The following ST8SIA6 variants were observed in gnomAD, a reference collection of about 807,000 sequenced individuals.
ST8SIA6 encodes the protein ST8 alpha-N-acetyl-neuraminide alpha-2,8-sialyltransferase 6.
In ST8SIA6, 39 loss-of-function variants were observed where a neutral mutation model predicts 33.6. The ratio of observed to expected loss-of-function variants is 1.16; its 90% CI spans 0.90 to 1.52. The LOEUF (loss-of-function observed/expected upper bound fraction) is 1.52. Ranked by LOEUF, ST8SIA6 falls within the 40% of genes most tolerant of loss-of-function variation. The pLI, the probability that ST8SIA6 is intolerant of heterozygous loss-of-function variation, is 0.00. For missense variants in ST8SIA6, 441 were observed against 443.8 expected (o/e 0.99, Z 0.06); for synonymous variants, 172 against 167.2 (o/e 1.03, Z -0.22).
chr10:17,401,493 A>G (rs1851039907), intron 2 of ST8SIA6, among the ~76,000 whole-genome samples: 1 of 152,196 alleles, frequency 6.6e-6, no homozygotes, highest in African/African-American at 2.4e-5. Flanking sequence ...AGCCAAAAGA[A>G]CAAAGCTGGA....
chr10:17,450,270 G>C (rs562387775), intron 2 of ST8SIA6, among the ~76,000 whole-genome samples: 1 of 152,262 alleles, frequency 6.6e-6, no homozygotes, highest in East Asian at 1.9e-4. Context: ...AAAAGAAAGA[G>C]CCACAAGCTG....
At chr10:17,448,187 G>C (rs747522683) in intron 2 of ST8SIA6, among the ~76,000 whole-genome samples, 3 of 152,180 alleles carry the variant, frequency 2.0e-5, no homozygotes, top group Non-Finnish European at 4.4e-5. Flanking sequence ...AGGAAAGGGA[G>C]AGAAAGGCCA....
intron 2 of ST8SIA6, among the ~76,000 whole-genome samples, chr10:17,436,247 C>T (rs1401984309): frequency 6.6e-6 from 1 of 152,182 alleles, no homozygotes; most frequent in Non-Finnish European, 1.5e-5. Context: ...ACCCACATCT[C>T]ATCTTTAATT....
intron 2 of ST8SIA6, among the ~76,000 whole-genome samples, chr10:17,400,496 C>T (rs2131677660): frequency 6.6e-6 from 1 of 152,304 alleles, no homozygotes; most frequent in South Asian, 2.1e-4. Flanking sequence ...CACGCGACTG[C>T]ACTCCATCCT....
chr10:17,385,363 A>G (rs111881151), intron 3 of ST8SIA6, among the ~76,000 whole-genome samples: 1 of 152,304 alleles, frequency 6.6e-6, no homozygotes, highest in Admixed American at 6.5e-5. Flanking sequence ...TACTTCTTAC[A>G]TATAATGATT....
intron 2 of ST8SIA6, among the ~76,000 whole-genome samples, chr10:17,431,654 C>T (rs940645712): frequency 6.6e-6 from 1 of 150,832 alleles, no homozygotes; most frequent in African/African-American, 2.4e-5. Flanking sequence ...GTCCTGGGTT[C>T]AAGTCCCAAG....
At chr10:17,441,374 G>A (rs1461301872) in intron 2 of ST8SIA6, among the ~76,000 whole-genome samples, 3 of 151,926 alleles carry the variant, frequency 2.0e-5, no homozygotes, top group South Asian at 2.1e-4. Flanking sequence ...GTGCAATGGC[G>A]CGAGCTCAGC....
rs1198257493 is a variant in ST8SIA6, at chr10:17,321,247, G to C, written c.828C>G (p.Asn276Lys). Residue 276 changes from asparagine (N) to lysine (K), a missense_variant, in exon 8 of 8, where the codon AAC becomes AAG. Coordinates refer to ENST00000377602, the MANE Select transcript of ST8SIA6 (RefSeq NM_001004470.3). The stretch of plus-strand genomic sequence containing the variant: ...AGTATACTTTGAAAGAGGTACCCGT[G>C]TTGGCCCTGAAGGAAAATGCTGGCA... ...FLLPAFSFRA[N>K]TGTSFKVYYT... 5 of 1,613,886 alleles carry C rather than the reference G, an allele frequency of 3.1e-6. No individual in the cohort carries two copies. The African/African-American group carries it at 4.0e-5, about 13-fold the overall frequency.
At chr10:17,372,291 G>A (rs1347138525) in intron 3 of ST8SIA6, among the ~76,000 whole-genome samples, 1 of 152,220 alleles carries the variant, frequency 6.6e-6, no homozygotes, top group Non-Finnish European at 1.5e-5. Context: ...AGTGAGGAAC[G>A]TGTGTTACTA....
In ST8SIA6 at chr10:17,318,717, TTTC is replaced by T. The variant is rs1183238331; in HGVS notation, c.*2158_*2160del. 1 of 470,862 alleles carries T rather than the reference TTTC, an allele frequency of 2.1e-6. No individual in the cohort carries two copies. Among genetic ancestry groups the T allele is most frequent in the Non-Finnish European group, 4.4e-6 (1 of 227,092 alleles). 29.2% of individuals were successfully genotyped at this position (470,862 alleles called of 1,614,324 possible). A position where few individuals can be genotyped will look rare whatever the true frequency, so the allele number is the denominator to read the frequency against. On this transcript the variant is annotated 3_prime_UTR_variant, in exon 8 of 8. Transcript: ENST00000377602. ...AATCTACAAGATGGAGTTTATAGTT[TTTC>T]TTTTTGTTTTGCACTTGGTGAAAAA...
chr10:17,445,084 G>GGT (rs1852657291), intron 2 of ST8SIA6, among the ~76,000 whole-genome samples: 2 of 151,732 alleles, frequency 1.3e-5, no homozygotes, highest in Non-Finnish European at 2.9e-5. Context: ...AAAGGAAAGT[G>GGT]GTAAAAGGGT....
chr10:17,333,880 T>G (rs1336477993), intron 4 of ST8SIA6, among the ~76,000 whole-genome samples: 1 of 150,398 alleles, frequency 6.6e-6, no homozygotes, highest in African/African-American at 2.4e-5. Flanking sequence ...TGCTACCATG[T>G]CCGGCTAATT....
chr10:17,381,887 G>A (rs382729), intron 3 of ST8SIA6, among the ~76,000 whole-genome samples: 42,712 of 152,076 alleles, frequency 0.28, 6,752 homozygotes, highest in East Asian at 0.64. Flanking sequence ...GGTTTGTTTT[G>A]GGAAAGAACT....
chr10:17,447,273 G>A (rs1411343677), intron 2 of ST8SIA6, among the ~76,000 whole-genome samples: 1 of 151,818 alleles, frequency 6.6e-6, no homozygotes, highest in Non-Finnish European at 1.5e-5. Context: ...AGGTGCAGTG[G>A]TGTGGGCCTG....
intron 2 of ST8SIA6, among the ~76,000 whole-genome samples, chr10:17,412,758 C>A (rs1851493400): frequency 6.9e-6 from 1 of 144,342 alleles, no homozygotes; most frequent in Admixed American, 7.0e-5. Flanking sequence ...AGAAATAAGA[C>A]CTAATGTTAG....
intron 2 of ST8SIA6, among the ~76,000 whole-genome samples, chr10:17,446,773 A>G (rs1056809785): frequency 1.7e-4 from 26 of 152,054 alleles, no homozygotes; most frequent in Non-Finnish European, 3.4e-4. Flanking sequence ...GAATAAAAAG[A>G]AAAAAAGGGC....
At chr10:17,323,011 T>G (rs986448565) in intron 7 of ST8SIA6, 54 bp downstream of exon 7, 109 of 1,494,586 alleles carry the variant, frequency 7.3e-5, no homozygotes, top group Non-Finnish European at 1.0e-4. Flanking sequence ...CTGAGAAACA[T>G]GTTGAACAAT....
intron 3 of ST8SIA6, among the ~76,000 whole-genome samples, chr10:17,381,095 CAT>C (rs1235212763): frequency 6.6e-6 from 1 of 151,382 alleles, no homozygotes; most frequent in East Asian, 1.9e-4. Flanking sequence ...GTTTGACTAA[CAT>C]AGTTATTGAA....
At chr10:17,333,698 TATATATATATATATATATA>T (rs1350073007) in intron 4 of ST8SIA6, among the ~76,000 whole-genome samples, 34 of 25,696 alleles carry the variant, frequency 1.3e-3, no homozygotes, top group African/African-American at 2.0e-3. Flanking sequence ...TATATATATA[TATATATATATATATATATA>T]TTTTTTTTTT....
Sources: allele counts gnomAD v4.1 joint callset (sites outside exome capture counted in the v4.1 genomes callset), GRCh38; gene constraint gnomAD v4.1.1; transcripts MANE v1.5; gene names NCBI Gene and HGNC (gene_info 2026-07-23, HGNC 2026-07-21).